ASAH1: variants seen among roughly 807,000 people sequenced by gnomAD.
ASAH1 encodes the protein N-acylsphingosine amidohydrolase 1, also known as acid ceramidase.
In ASAH1, 70 loss-of-function variants were observed where a neutral mutation model predicts 59.5. The ratio of observed to expected loss-of-function variants is 1.18; its 90% CI spans 0.97 to 1.43. ASAH1 has a LOEUF of 1.43. ASAH1 is among the 40% of genes most tolerant of loss of function. ASAH1 has a pLI of 0.00. For missense variants in ASAH1, 660 were observed against 482.5 expected (o/e 1.37, Z -3.45); for synonymous variants, 213 against 166.5 (o/e 1.28, Z -2.15).
chr8:18,061,590 C>G, intron 9 of ASAH1, 96 bp downstream of exon 9: 1 of 1,467,776 alleles, frequency 6.8e-7, no homozygotes, highest in Non-Finnish European at 9.5e-7. Flanking sequence ...AGTCGGGAAC[C>G]GGAAGAGGTT....
chr8:18,084,680 G>A, upstream of ASAH1: 1 of 1,613,554 alleles, frequency 6.2e-7, no homozygotes. Flanking sequence ...ACCCACTTGG[G>A]CTTTCACAGC....
At chr8:18,075,882 T>C in intron 1 of ASAH1, 2 of 438,866 alleles carry the variant, frequency 4.6e-6, no homozygotes, top group Admixed American at 3.7e-5. Flanking sequence ...ATGGAAAATA[T>C]TTATGTTAGA....
At chr8:18,084,288 T>C, upstream of ASAH1, 1 of 1,435,538 alleles carries the variant, frequency 7.0e-7, no homozygotes, top group East Asian at 2.5e-5. Flanking sequence ...CCAGGCTACC[T>C]GCAGAAGGAG....
In ASAH1 at chr8:18,059,788, G is replaced by C. The variant is rs1349994335; in HGVS notation, c.786-85C>G. The C allele has an allele frequency of 5.1e-6, 7 of 1,362,644 alleles. No homozygotes were observed. In the Admixed American group the frequency reaches 1.5e-4, roughly 29 times the overall value. 84.4% of individuals were successfully genotyped at this position (1,362,644 alleles called of 1,614,324 possible). On this transcript the variant is annotated intron_variant, in intron 10 of 13. Coordinates refer to ENST00000637790, the MANE Select transcript of ASAH1 (RefSeq NM_177924.5). ...CATTTATTTTTAAATTTTACTTTAA[G>C]TTCTGGGACACATGTGCTGAACGTG... is the stretch of plus-strand genomic sequence containing the variant.
chr8:18,056,844 G>C lies in ASAH1; in HGVS notation c.*690C>G, dbSNP rs1323588793. ...GCAACTTCCTTAGGGTTACTGGGAAGTAGAGTAATTATGAAAAAGGGAACA... is the reference window on the plus strand; with the variant it reads ...GCAACTTCCTTAGGGTTACTGGGAACTAGAGTAATTATGAAAAAGGGAACA... On this transcript the variant is annotated 3_prime_UTR_variant, in exon 14 of 14. Coordinates refer to ENST00000637790, the MANE Select transcript of ASAH1 (RefSeq NM_177924.5). 6.6e-6 allele frequency: 1 copy of C among 152,076 alleles called. No homozygotes were observed. Among genetic ancestry groups the C allele is most frequent in the Non-Finnish European group, 1.5e-5 (1 of 68,030 alleles). 9.4% of individuals were successfully genotyped at this position (152,076 alleles called of 1,614,324 possible). A position where few individuals can be genotyped will look rare whatever the true frequency, so the allele number is the denominator to read the frequency against.
intron 1 of ASAH1, among the ~76,000 whole-genome samples, chr8:18,079,972 G>C (rs948491781): frequency 6.6e-5 from 10 of 152,232 alleles, no homozygotes; most frequent in African/African-American, 2.2e-4. Flanking sequence ...CTCCATGAGA[G>C]GAAGGACCTC....
rs2427746 is a variant in ASAH1, at chr8:18,069,675, A to G, written c.303+117T>C. 272,909 of 705,090 alleles carry G rather than the reference A, an allele frequency of 0.39. 55,828 individuals are homozygous for G. Among genetic ancestry groups the G allele is most frequent in the Admixed American group, 0.44 (19,028 of 43,412 alleles). The allele number at this position is 705,090 out of a possible 1,614,324, so 43.7% of individuals were successfully genotyped here. On this transcript the variant is annotated intron_variant, in intron 4 of 13. Coordinates refer to ENST00000637790, the MANE Select transcript of ASAH1 (RefSeq NM_177924.5). ...CCCTCTGAAGTTCTGACAGTGAGCT[A>G]GATTCATGCAGATTTGCCCAAGTCC...
At chr8:18,079,170 G>T (rs1471941471) in intron 1 of ASAH1, among the ~76,000 whole-genome samples, 2 of 151,938 alleles carry the variant, frequency 1.3e-5, no homozygotes, top group African/African-American at 2.4e-5. Context: ...GTACTCGGAA[G>T]GCTGAGGTAG....
At chr8:18,062,199 T>G (rs1331101434) in intron 8 of ASAH1, 80 bp downstream of exon 8, 1 of 1,590,820 alleles carries the variant, frequency 6.3e-7, no homozygotes, top group Non-Finnish European at 8.6e-7. Context: ...TAGGTCCTCA[T>G]ATTCTTAGAT....
intron 1 of ASAH1, chr8:18,083,187 T>C (rs572834300): frequency 1.3e-5 from 2 of 152,314 alleles, no homozygotes; most frequent in South Asian, 4.1e-4. Flanking sequence ...ACTTATCCGA[T>C]TCTGTTGGCA....
At chr8:18,079,017 C>T (rs1046907294) in intron 1 of ASAH1, among the ~76,000 whole-genome samples, 3 of 152,082 alleles carry the variant, frequency 2.0e-5, no homozygotes, top group Admixed American at 2.0e-4. Flanking sequence ...TGGCTCATGC[C>T]TGTAATTCCA....
At chr8:18,075,698 T>C (rs994345149) in intron 1 of ASAH1, 111 bp from the exon 2 acceptor site, 2 of 948,242 alleles carry the variant, frequency 2.1e-6, no homozygotes, top group Non-Finnish European at 3.4e-6. Context: ...GATATTGCTC[T>C]TTTATACGTT....
At chr8:18,082,429 A>G (rs1199281746) in intron 1 of ASAH1, 1 of 152,212 alleles carries the variant, frequency 6.6e-6, no homozygotes, top group Admixed American at 6.5e-5. Context: ...AATCCCACAG[A>G]TACCTACGTC....
intron 1 of ASAH1, chr8:18,075,940 C>G (rs1428605832): frequency 2.8e-6 from 1 of 354,780 alleles, no homozygotes; most frequent in Non-Finnish European, 5.4e-6. Context: ...GATGTATTAT[C>G]TGCACTTACC....
In ASAH1 at chr8:18,063,003, G is replaced by A. The variant is rs369977139; in HGVS notation, c.503+182C>T. On this transcript the variant is annotated intron_variant, in intron 7 of 13. Transcript: ENST00000637790. Reference sequence around the variant, plus strand: ...CTCTGCCTCAGGCTCCCAAGTAGCCGGGATTACAGATGCCCACCACCATGC... The same window carrying A: ...CTCTGCCTCAGGCTCCCAAGTAGCCAGGATTACAGATGCCCACCACCATGC... 3.4e-4 allele frequency: 200 copies of A among 593,492 alleles called. 1 individual carries two copies. Among genetic ancestry groups the A allele is most frequent in the African/African-American group, 2.9e-3 (156 of 52,966 alleles). 36.8% of individuals were successfully genotyped at this position (593,492 alleles called of 1,614,324 possible). A position where few individuals can be genotyped will look rare whatever the true frequency, so the allele number is the denominator to read the frequency against.
At position 18,061,676 on chromosome 8, in the gene ASAH1, C is replaced by A. The variant is rs1799705988; in HGVS notation, c.703+10G>T. 2 of 1,583,656 alleles carry A rather than the reference C, an allele frequency of 1.3e-6. No homozygotes were observed. Among genetic ancestry groups the A allele is most frequent in the Admixed American group, 1.8e-5 (1 of 56,330 alleles). Reference sequence around the variant, plus strand: ...GAGATTCCCATTTCACTTGAGAATGCTCTACTTACCCAGATAACCACCATT... The same window carrying A: ...GAGATTCCCATTTCACTTGAGAATGATCTACTTACCCAGATAACCACCATT... On this transcript the variant is annotated intron_variant, in intron 9 of 13. Transcript: ENST00000637790.
intron 2 of ASAH1, 164 bp from the exon 3 acceptor site, chr8:18,071,554 T>A (rs1363962581): frequency 5.1e-6 from 3 of 593,086 alleles, no homozygotes; most frequent in Non-Finnish European, 9.4e-6. Context: ...ACCTAGTGCT[T>A]CTAGGTTGAG....
At chr8:18,084,604 G>T, upstream of ASAH1, 6 of 1,601,110 alleles carry the variant, frequency 3.7e-6, no homozygotes, top group Middle Eastern at 3.4e-4. Flanking sequence ...TCAGGGACAA[G>T]GAGCAGTTGA....
upstream of ASAH1, chr8:18,084,697 G>A (rs1200486241): frequency 1.9e-6 from 3 of 1,613,666 alleles, no homozygotes; most frequent in Non-Finnish European, 2.5e-6. Context: ...CAGCAAAGCT[G>A]CCAAATCCCA....
Sources: gnomAD v4.1 joint callset for allele counts (sites outside exome capture counted in the v4.1 genomes callset) on GRCh38, gnomAD v4.1.1 for gene constraint, MANE v1.5 for transcripts, NCBI Gene and HGNC (gene_info 2026-07-23, HGNC 2026-07-21) for gene names.